Variants in PIGL observed in about 807,000 individuals in gnomAD.
PIGL encodes N-acetylglucosaminyl-phosphatidylinositol de-N-acetylase.
PIGL carries 22 observed loss-of-function variants against 31.1 expected under a neutral mutation model. The observed-to-expected ratio is 0.71, with a 90% CI of 0.51 to 1.01. The LOEUF (loss-of-function observed/expected upper bound fraction) is 1.01, where lower values mean the gene tolerates loss of function less well. Ranked by LOEUF, PIGL falls within the 50% of genes least tolerant of loss-of-function variation. PIGL has a pLI of 0.00. For synonymous variants in PIGL, 131 were observed against 117.4 expected, an observed-to-expected ratio of 1.12 and a Z score of -0.75; for missense variants, 302 against 315.9, an observed-to-expected ratio of 0.96 and a Z score of 0.33.
chr17:16,266,589 CAGATAAT>C (rs1394601827), intron 2 of PIGL, among the ~76,000 whole-genome samples: 2 of 151,582 alleles, frequency 1.3e-5, no homozygotes, highest in Non-Finnish European at 2.9e-5. Context: ...AGCTGCTCAA[CAGATAAT>C]AGTTTCTTTT....
chr17:16,238,636 C>T (rs1006766119), intron 2 of PIGL, among the ~76,000 whole-genome samples: 4 of 150,442 alleles, frequency 2.7e-5, no homozygotes, highest in Middle Eastern at 3.4e-3. Flanking sequence ...GGTTGCCAGG[C>T]GCCGTGACTC....
intron 1 of PIGL, among the ~76,000 whole-genome samples, chr17:16,224,679 CAG>C (rs2092644236): frequency 6.6e-6 from 1 of 151,772 alleles, no homozygotes; most frequent in Admixed American, 6.6e-5. Flanking sequence ...CCCCTTGTGA[CAG>C]AGTCTCACTC....
intron 1 of PIGL, among the ~76,000 whole-genome samples, chr17:16,230,811 A>G (rs771322507): frequency 2.6e-5 from 4 of 151,982 alleles, no homozygotes; most frequent in Admixed American, 1.3e-4. Context: ...TTTAATACAA[A>G]ATAAAGTCAC....
chr17:16,229,858 A>ATTT (rs71150280), intron 1 of PIGL, among the ~76,000 whole-genome samples: 39,243 of 97,486 alleles, frequency 0.4, 9,954 homozygotes, highest in Middle Eastern at 0.5. Context: ...TAAAGTCATG[A>ATTT]TTTTTTTTTT....
chr17:16,284,065 TC>T (rs2092927496), intron 2 of PIGL: 1 of 152,100 alleles, frequency 6.6e-6, no homozygotes, highest in Non-Finnish European at 1.5e-5. Context: ...AACCTCCGCT[TC>T]CCAGGTTCAA....
At chr17:16,250,809 A>G (rs1415113493) in intron 2 of PIGL, among the ~76,000 whole-genome samples, 1 of 152,214 alleles carries the variant, frequency 6.6e-6, no homozygotes, top group Non-Finnish European at 1.5e-5. Flanking sequence ...GCTCAAGGTC[A>G]TCCAGCTAAT....
At chr17:16,247,699 C>T (rs888262206) in intron 2 of PIGL, among the ~76,000 whole-genome samples, 7 of 152,218 alleles carry the variant, frequency 4.6e-5, no homozygotes, top group African/African-American at 1.7e-4. Flanking sequence ...TGTTTGCAGC[C>T]AGATAGCTCT....
chr17:16,231,066 T>C (rs1240558494), intron 1 of PIGL, among the ~76,000 whole-genome samples: 15 of 119,774 alleles, frequency 1.3e-4, no homozygotes, highest in South Asian at 2.5e-4. Flanking sequence ...TTTTGGTTTT[T>C]CTTTTTTTTT....
rs138457029 is a variant in PIGL at position 16,238,640 on chromosome 17, G to A, written c.335+4570G>A. 4.1e-3 allele frequency among the ~76,000 whole-genome samples: 620 copies of A among 150,624 alleles called. 6 individuals carry two copies. The highest frequency in any genetic ancestry group is 0.014 in the African/African-American group (597 of 41,182). ...TAGTAAGACAGGGTTGCCAGGCGCCGTGACTCACACCTGTAATCCCAGCAC... is the reference window on the plus strand; with the variant it reads ...TAGTAAGACAGGGTTGCCAGGCGCCATGACTCACACCTGTAATCCCAGCAC... On this transcript the variant is annotated intron_variant, in intron 2 of 6. Coordinates refer to ENST00000225609, the MANE Select transcript of PIGL (RefSeq NM_004278.4).
chr17:16,282,320 C>T (rs2092919740), intron 2 of PIGL, among the ~76,000 whole-genome samples: 1 of 152,094 alleles, frequency 6.6e-6, no homozygotes, highest in Non-Finnish European at 1.5e-5. Context: ...AGAAAGACTC[C>T]ATATCCTTGT....
chr17:16,300,554 G>A (rs1374587638), intron 3 of PIGL, among the ~76,000 whole-genome samples: 2 of 152,054 alleles, frequency 1.3e-5, no homozygotes, highest in African/African-American at 2.4e-5. Flanking sequence ...GGTGGCATGT[G>A]CCTGTATCCC....
At chr17:16,252,570 ATATAAT>A (rs2092777331) in intron 2 of PIGL, among the ~76,000 whole-genome samples, 1 of 149,136 alleles carries the variant, frequency 6.7e-6, no homozygotes, top group Non-Finnish European at 1.5e-5. Flanking sequence ...AGTTATATAC[ATATAAT>A]TATATAATTA....
At chr17:16,224,201 G>A (rs962439064) in intron 1 of PIGL, among the ~76,000 whole-genome samples, 3 of 151,958 alleles carry the variant, frequency 2.0e-5, no homozygotes, top group Admixed American at 6.6e-5. Context: ...TTGCTCTTGC[G>A]ACAGAGCAAG....
At chr17:16,279,255 C>T (rs912024548) in intron 2 of PIGL, among the ~76,000 whole-genome samples, 8 of 152,176 alleles carry the variant, frequency 5.3e-5, no homozygotes, top group African/African-American at 1.9e-4. Context: ...AAAGTGAAAG[C>T]AAGTTTATTA....
At chr17:16,246,718 G>GC (rs1337344645) in intron 2 of PIGL, among the ~76,000 whole-genome samples, 1 of 108,894 alleles carries the variant, frequency 9.2e-6, no homozygotes. Context: ...TCGCTCTGTC[G>GC]CCCAGGCCGG....
chr17:16,290,861 G>C (rs1224731617), intron 2 of PIGL, among the ~76,000 whole-genome samples: 1 of 151,252 alleles, frequency 6.6e-6, no homozygotes, highest in African/African-American at 2.4e-5. Flanking sequence ...TTTTTAATTT[G>C]TTGAGACAGG....
At position 16,299,906 on chromosome 17, in the gene PIGL, A is replaced by G. The variant is rs149094276; in HGVS notation, c.354A>G (p.Pro118=). ...CTTGTAGGGATTTCCCAGATGACCCAGGCATGCAGTGGGACACAGAGCACG... is the reference window on the plus strand; with the variant it reads ...CTTGTAGGGATTTCCCAGATGACCCGGGCATGCAGTGGGACACAGAGCACG... ...IIDNRDFPDD[P]GMQWDTEHVA... The change falls in exon 3 of 7, where the codon CCA becomes CCG. Residue 118 remains proline (P), a synonymous_variant. Coordinates refer to ENST00000225609, the MANE Select transcript of PIGL (RefSeq NM_004278.4). The G allele has an allele frequency of 1.6e-4, 262 of 1,613,726 alleles. 5 individuals carry two copies. The Middle Eastern group carries it at 9.7e-3, about 60-fold the overall frequency.
intron 2 of PIGL, among the ~76,000 whole-genome samples, chr17:16,242,982 A>T (rs956002449): frequency 6.6e-6 from 1 of 152,100 alleles, no homozygotes; most frequent in African/African-American, 2.4e-5. Flanking sequence ...AGGCAACTTT[A>T]TCCGTATTTA....
intron 2 of PIGL, among the ~76,000 whole-genome samples, chr17:16,289,806 C>T (rs1000854400): frequency 6.6e-6 from 1 of 152,188 alleles, no homozygotes; most frequent in African/African-American, 2.4e-5. Context: ...GACAGAGTTT[C>T]GCTCTTGTTG....
Sources: gnomAD v4.1 joint callset for allele counts (sites outside exome capture counted in the v4.1 genomes callset) on GRCh38, gnomAD v4.1.1 for gene constraint, MANE v1.5 for transcripts, NCBI Gene and HGNC (gene_info 2026-07-23, HGNC 2026-07-21) for gene names.